Variants in DPY19L3 observed in about 807,000 individuals in gnomAD.
DPY19L3 encodes the protein dpy-19 like C-mannosyltransferase 3, also known as protein C-mannosyl-transferase DPY19L3.
Under a neutral mutation model 92.3 loss-of-function variants are expected in DPY19L3, and 51 were observed. The observed-to-expected ratio is 0.55, with a 90% CI of 0.44 to 0.70. DPY19L3 has a LOEUF of 0.70. Among genes scored for constraint, DPY19L3 ranks in the 30% least tolerant of loss-of-function variants. The pLI is 0.00. For synonymous variants in DPY19L3, 309 were observed against 315.2 expected (o/e 0.98, Z 0.21); for missense variants, 706 against 855.9 (o/e 0.82, Z 2.18).
chr19:32,408,843 T>G (rs1968077362), intron 2 of DPY19L3, among the ~76,000 whole-genome samples: 1 of 151,890 alleles, frequency 6.6e-6, no homozygotes, highest in Non-Finnish European at 1.5e-5. Context: ...CAGAACTTGG[T>G]CAGTTGTTTG....
Position 32,468,716 on chromosome 19 carries a change from T to C in DPY19L3, c.1615-15T>C. ...GGTGGATTTTGTTTTTGTTTTGTTT[T>C]GTTTTTAATTTCAGTTCTGGCCAGG... On this transcript the variant is annotated splice_polypyrimidine_tract_variant and intron_variant, in intron 15 of 18. Transcript: ENST00000392250. The C allele has an allele frequency of 6.2e-7, 1 of 1,612,858 alleles. No individual in the cohort carries two copies. The highest frequency in any genetic ancestry group is 8.5e-7 in the Non-Finnish European group (1 of 1,179,512).
chr19:32,418,918 T>G (rs533055321), intron 3 of DPY19L3, among the ~76,000 whole-genome samples: 1 of 152,108 alleles, frequency 6.6e-6, no homozygotes, highest in East Asian at 1.9e-4. Context: ...AACCCTGAAA[T>G]AGCAACTGGA....
At chr19:32,465,440 C>T (rs1970171146) in intron 15 of DPY19L3, among the ~76,000 whole-genome samples, 1 of 152,212 alleles carries the variant, frequency 6.6e-6, no homozygotes, top group Admixed American at 6.5e-5. Flanking sequence ...GCAGATAGCA[C>T]AGACTGTTTT....
chr19:32,434,057 C>T (rs1214586025), intron 4 of DPY19L3, among the ~76,000 whole-genome samples: 1 of 152,130 alleles, frequency 6.6e-6, no homozygotes, highest in Non-Finnish European at 1.5e-5. Context: ...GAAAAGCAGG[C>T]TTAGTATTCA....
chr19:32,456,430 T>A (rs1268946285), intron 10 of DPY19L3, among the ~76,000 whole-genome samples: 1 of 151,924 alleles, frequency 6.6e-6, no homozygotes, highest in Non-Finnish European at 1.5e-5. Flanking sequence ...TTTAAATTTC[T>A]AAATTTTTTT....
At chr19:32,458,307 G>A (rs1414234637) in intron 11 of DPY19L3, 44 bp from the exon 12 acceptor site, 1 of 1,597,694 alleles carries the variant, frequency 6.3e-7, no homozygotes, top group African/African-American at 1.3e-5. Context: ...TCATTTCTTT[G>A]TCTTATATTG....
intron 12 of DPY19L3, among the ~76,000 whole-genome samples, chr19:32,458,907 A>G (rs1049353304): frequency 2.6e-5 from 4 of 152,220 alleles, no homozygotes; most frequent in Non-Finnish European, 5.9e-5. Flanking sequence ...GGTACAAGCC[A>G]TCGTGAACTG....
At chr19:32,474,570 G>A (rs1239091982) in intron 16 of DPY19L3, among the ~76,000 whole-genome samples, 1 of 152,146 alleles carries the variant, frequency 6.6e-6, no homozygotes, top group Middle Eastern at 3.2e-3. Context: ...GTGTTTGTCT[G>A]TAATGGGAGC....
At chr19:32,408,091 G>GAAAAA in intron 1 of DPY19L3, 126 bp from the exon 2 acceptor site, 1 of 586,710 alleles carries the variant, frequency 1.7e-6, no homozygotes, top group South Asian at 2.2e-5. Flanking sequence ...TTGGGGGGAA[G>GAAAAA]AAAAAAAAAG....
intron 17 of DPY19L3, chr19:32,479,537 A>G (rs1311775151): frequency 7.7e-6 from 3 of 391,068 alleles, no homozygotes; most frequent in Admixed American, 3.0e-5. Context: ...CAGTAACAGC[A>G]TCCTACCTCC....
At position 32,454,927 on chromosome 19, in the gene DPY19L3, T is replaced by C. The variant is rs766877723; in HGVS notation, c.988-12T>C. The C allele has an allele frequency of 6.7e-7, 1 of 1,494,282 alleles. No homozygotes were observed. The allele number at this position is 1,494,282 out of a possible 1,614,324, so 92.6% of individuals were successfully genotyped here. On this transcript the variant is annotated splice_polypyrimidine_tract_variant and intron_variant, in intron 9 of 18. Transcript: ENST00000392250. ...AACTTAAGAATTAAAACATAACTCT[T>C]TTAATTTCTAGAAAAATCTGAAAAC...
At chr19:32,456,671 G>T (rs953986006) in intron 10 of DPY19L3, among the ~76,000 whole-genome samples, 6 of 151,864 alleles carry the variant, frequency 4.0e-5, no homozygotes, top group Non-Finnish European at 7.4e-5. Flanking sequence ...TGGGCTCAAG[G>T]TATGCTCCCA....
At chr19:32,462,024 A>C (rs1205816686) in intron 12 of DPY19L3, among the ~76,000 whole-genome samples, 1 of 152,142 alleles carries the variant, frequency 6.6e-6, no homozygotes, top group African/African-American at 2.4e-5. Flanking sequence ...TTTTTTTCCT[A>C]TACATATATC....
At chr19:32,415,671 T>C (rs1968355353) in intron 3 of DPY19L3, among the ~76,000 whole-genome samples, 1 of 152,344 alleles carries the variant, frequency 6.6e-6, no homozygotes, top group Admixed American at 6.5e-5. Flanking sequence ...GTCAGGAAAC[T>C]GCTAAGATAA....
intron 16 of DPY19L3, among the ~76,000 whole-genome samples, chr19:32,474,351 C>G (rs1359257001): frequency 6.6e-6 from 1 of 152,240 alleles, no homozygotes; most frequent in South Asian, 2.1e-4. Context: ...CCATGTGTCA[C>G]TCGCTCTGCT....
chr19:32,417,497 T>C lies in DPY19L3; in HGVS notation c.237+6125T>C, dbSNP rs144589997. Among the ~76,000 whole-genome samples, 537 of 152,238 alleles carry C rather than the reference T, an allele frequency of 3.5e-3. 7 individuals are homozygous for C. Among genetic ancestry groups the C allele is most frequent in the African/African-American group, 0.012 (510 of 41,554 alleles). On this transcript the variant is annotated intron_variant, in intron 3 of 18. Coordinates refer to ENST00000392250, the MANE Select transcript of DPY19L3 (RefSeq NM_001172774.2). ...CACCACGCCTGGCTAATTTTTGTAT[T>C]TTTAGTAGAGATGGGATTTCACCAT... is the stretch of plus-strand genomic sequence containing the variant.
intron 16 of DPY19L3, 62 bp from the exon 17 acceptor site, chr19:32,477,457 GTCT>G: frequency 6.3e-7 from 1 of 1,588,140 alleles, no homozygotes; most frequent in Non-Finnish European, 8.6e-7. Context: ...GTTTGATATT[GTCT>G]TCTTTGTTGT....
chr19:32,418,926 G>A (rs1968467802), intron 3 of DPY19L3, among the ~76,000 whole-genome samples: 1 of 151,826 alleles, frequency 6.6e-6, no homozygotes, highest in African/African-American at 2.4e-5. Context: ...AATAGCAACT[G>A]GAAAGTTGAA....
At chr19:32,427,496 C>T (rs767358438) in intron 3 of DPY19L3, among the ~76,000 whole-genome samples, 9 of 152,048 alleles carry the variant, frequency 5.9e-5, no homozygotes, top group Non-Finnish European at 8.8e-5. Flanking sequence ...TTGATATTGC[C>T]GAATTTGCAT....
Sources: allele counts gnomAD v4.1 joint callset (sites outside exome capture counted in the v4.1 genomes callset), GRCh38; gene constraint gnomAD v4.1.1; transcripts MANE v1.5; gene names NCBI Gene and HGNC (gene_info 2026-07-23, HGNC 2026-07-21).